Variants in PIK3R1 observed in about 807,000 individuals in gnomAD.
PIK3R1 encodes phosphatidylinositol 3-kinase regulatory subunit alpha.
A neutral mutation model predicts 98.0 loss-of-function variants in PIK3R1; 29 were observed. The ratio of observed to expected loss-of-function variants is 0.30; its 90% CI spans 0.22 to 0.40. PIK3R1 has a LOEUF of 0.40. PIK3R1 is among the 10% of genes least tolerant of loss of function. The pLI, the probability that PIK3R1 is intolerant of heterozygous loss-of-function variation, is 1.00. For missense variants in PIK3R1, 596 were observed against 872.7 expected (o/e 0.68, Z 3.99); for synonymous variants, 282 against 311.8 (o/e 0.90, Z 1.01).
intron 2 of PIK3R1, among the ~76,000 whole-genome samples, chr5:68,270,372 CT>C (rs1404854550): frequency 3.3e-5 from 5 of 152,104 alleles, no homozygotes; most frequent in African/African-American, 1.2e-4. Flanking sequence ...AATATAACAA[CT>C]TTTGGGTGCA....
At position 68,301,336 on chromosome 5, in the gene PIK3R1, A is replaced by T. The variant is rs1748029448; in HGVS notation, c.*3735A>T. 7.6e-6 allele frequency: 1 copy of T among 132,008 alleles called. No individual in the cohort carries two copies. The allele number at this position is 132,008 out of a possible 1,614,324, so 8.2% of individuals were successfully genotyped here. On this transcript the variant is annotated 3_prime_UTR_variant, in exon 16 of 16. Transcript: ENST00000521381. ...CATGAGATAGCATTAGCTGCCCAGGATGCTGCTATATATATATATATATAT... is the reference window on the plus strand; with the variant it reads ...CATGAGATAGCATTAGCTGCCCAGGTTGCTGCTATATATATATATATATAT...
At chr5:68,282,507 A>G (rs1746891656) in intron 7 of PIK3R1, among the ~76,000 whole-genome samples, 1 of 152,182 alleles carries the variant, frequency 6.6e-6, no homozygotes, top group Non-Finnish European at 1.5e-5. Flanking sequence ...GATACCCACA[A>G]ATGAATTTAT....
intron 2 of PIK3R1, among the ~76,000 whole-genome samples, chr5:68,238,750 G>C (rs923868442): frequency 2.0e-5 from 3 of 152,098 alleles, no homozygotes; most frequent in Non-Finnish European, 4.4e-5. Flanking sequence ...TACAAGTGTT[G>C]ATAAACAGGG....
At chr5:68,247,982 A>G (rs1745166449) in intron 2 of PIK3R1, among the ~76,000 whole-genome samples, 1 of 151,706 alleles carries the variant, frequency 6.6e-6, no homozygotes, top group Non-Finnish European at 1.5e-5. Context: ...AAGTATTTCC[A>G]TACTGGGAAA....
intron 2 of PIK3R1, among the ~76,000 whole-genome samples, chr5:68,252,946 GT>G (rs942345822): frequency 1.3e-5 from 2 of 151,866 alleles, no homozygotes; most frequent in African/African-American, 4.8e-5. Context: ...GATGCTCCCA[GT>G]TTTTTTTCCC....
intron 2 of PIK3R1, among the ~76,000 whole-genome samples, chr5:68,230,699 G>C (rs1744432171): frequency 6.6e-6 from 1 of 152,192 alleles, no homozygotes; most frequent in Admixed American, 6.5e-5. Context: ...AGTGAGTAGA[G>C]GGGCTGTCAT....
rs116702975 is a variant in PIK3R1 at position 68,262,630 on chromosome 5, T to C, written c.335-10760T>C. Among the ~76,000 whole-genome samples the C allele has an allele frequency of 5.3e-3, 724 of 137,058 alleles. 45 individuals are homozygous for C. Among genetic ancestry groups the C allele is most frequent in the African/African-American group, 0.011 (370 of 33,716 alleles). 89.9% of individuals were successfully genotyped at this position (137,058 alleles called of 152,430 possible). On this transcript the variant is annotated intron_variant, in intron 2 of 15. Transcript: ENST00000521381. Reference sequence around the variant, plus strand: ...ACATGTATACACATGTAGATGCATGTATACACATGTATACACATGTATCTG... The same window carrying C: ...ACATGTATACACATGTAGATGCATGCATACACATGTATACACATGTATCTG...
At chr5:68,229,428 C>CT (rs1308681931) in intron 2 of PIK3R1, among the ~76,000 whole-genome samples, 1 of 151,366 alleles carries the variant, frequency 6.6e-6, no homozygotes, top group African/African-American at 2.4e-5. Context: ...TAGTTCTTTT[C>CT]TTTTTTTTTC....
intron 15 of PIK3R1, among the ~76,000 whole-genome samples, 171 bp from the exon 16 acceptor site, chr5:68,297,241 T>G (rs1181984387): frequency 6.6e-6 from 1 of 152,216 alleles, no homozygotes; most frequent in African/African-American, 2.4e-5. Flanking sequence ...ATACAGTCAG[T>G]CAGTGAAGCT....
At chr5:68,239,916 C>T (rs955429483) in intron 2 of PIK3R1, 38 of 501,140 alleles carry the variant, frequency 7.6e-5, no homozygotes, top group Non-Finnish European at 1.3e-4. Context: ...AGAACCTCAT[C>T]AGAACCGCAG....
intron 14 of PIK3R1, 194 bp downstream of exon 14, chr5:68,295,682 T>A (rs1747674658): frequency 1.0e-5 from 6 of 598,768 alleles, no homozygotes; most frequent in Non-Finnish European, 1.2e-5. Flanking sequence ...CTAGGATTTA[T>A]TTTTACTCAT....
intron 2 of PIK3R1, among the ~76,000 whole-genome samples, chr5:68,260,256 C>T (rs1434247326): frequency 6.6e-6 from 1 of 152,016 alleles, no homozygotes; most frequent in Non-Finnish European, 1.5e-5. Context: ...TGGATAAACC[C>T]ACAGAGGTTC....
intron 2 of PIK3R1, among the ~76,000 whole-genome samples, chr5:68,262,475 CAT>C (rs1561277684): frequency 7.1e-6 from 1 of 141,462 alleles, no homozygotes; most frequent in Non-Finnish European, 1.5e-5. Context: ...TATATATGTA[CAT>C]ATATATCTAT....
intron 2 of PIK3R1, among the ~76,000 whole-genome samples, chr5:68,255,228 A>G (rs886331540): frequency 1.3e-5 from 2 of 152,218 alleles, no homozygotes; most frequent in Non-Finnish European, 2.9e-5. Flanking sequence ...TGGTCCTCTC[A>G]AAATTTTTGT....
At chr5:68,241,500 A>G (rs1744871819) in intron 2 of PIK3R1, among the ~76,000 whole-genome samples, 1 of 152,096 alleles carries the variant, frequency 6.6e-6, no homozygotes, top group Non-Finnish European at 1.5e-5. Context: ...GAAAAATTTG[A>G]AATTTCTTTA....
chr5:68,249,253 GT>G (rs1460783267), intron 2 of PIK3R1, among the ~76,000 whole-genome samples: 2 of 152,100 alleles, frequency 1.3e-5, no homozygotes, highest in Non-Finnish European at 2.9e-5. Flanking sequence ...GTTCCAGTTG[GT>G]TTTGTTCCTG....
chr5:68,296,439 T>A (rs1747718243), intron 15 of PIK3R1, 98 bp downstream of exon 15: 2 of 1,183,974 alleles, frequency 1.7e-6, no homozygotes, highest in Admixed American at 4.4e-5. Context: ...TGACATAGTT[T>A]TAGTCTTGAA....
intron 2 of PIK3R1, among the ~76,000 whole-genome samples, chr5:68,231,782 T>C (rs1057391838): frequency 3.3e-5 from 5 of 152,224 alleles, no homozygotes; most frequent in African/African-American, 1.2e-4. Flanking sequence ...TTCTTCACTC[T>C]TCCTTCCTAC....
chr5:68,217,649 T>TGCGCGCGCGCGCGCGC (rs751885132), intron 1 of PIK3R1: 60 of 136,034 alleles, frequency 4.4e-4, no homozygotes, highest in African/African-American at 1.3e-3. Flanking sequence ...TGTGTGTGTG[T>TGCGCGCGCGCGCGCGC]GTGTGCGCGC....
Sources: gnomAD v4.1 joint callset for allele counts (sites outside exome capture counted in the v4.1 genomes callset) on GRCh38, gnomAD v4.1.1 for gene constraint, MANE v1.5 for transcripts, NCBI Gene and HGNC (gene_info 2026-07-23, HGNC 2026-07-21) for gene names.